The following TRPM3 variants were observed in gnomAD, a reference collection of about 807,000 sequenced individuals.
The protein encoded by TRPM3 is long transient receptor potential channel 3.
TRPM3 carries 77 observed loss-of-function variants against 181.2 expected under a neutral mutation model. The ratio of observed to expected loss-of-function variants is 0.42; its 90% confidence interval spans 0.35 to 0.51. TRPM3 has a LOEUF of 0.51. Among genes scored for constraint, TRPM3 ranks in the 20% least tolerant of loss-of-function variants. The pLI is 0.01. For missense variants in TRPM3, 1,759 were observed against 2,196.7 expected (o/e 0.80, Z 3.98); for synonymous variants, 745 against 796.4 (o/e 0.94, Z 1.09).
At chr9:70,751,526 G>A (rs2076130935) in intron 8 of TRPM3, among the ~76,000 whole-genome samples, 1 of 151,920 alleles carries the variant, frequency 6.6e-6, no homozygotes, top group Non-Finnish European at 1.5e-5. Context: ...AGAACAAAAG[G>A]ACTGAGAAAA....
At chr9:71,150,570 C>A (rs2075679889) in intron 1 of TRPM3, among the ~76,000 whole-genome samples, 1 of 151,978 alleles carries the variant, frequency 6.6e-6, no homozygotes, top group Non-Finnish European at 1.5e-5. Flanking sequence ...CGAAACAGAT[C>A]AAAAGCATAG....
chr9:70,637,016 T>C (rs2057324329), intron 11 of TRPM3, among the ~76,000 whole-genome samples: 1 of 152,108 alleles, frequency 6.6e-6, no homozygotes, highest in Non-Finnish European at 1.5e-5. Flanking sequence ...CATTCAAGTA[T>C]TGAGACAGGT....
chr9:71,246,787 A>C (rs979508983), intron 1 of TRPM3, among the ~76,000 whole-genome samples: 1 of 152,216 alleles, frequency 6.6e-6, no homozygotes, highest in Non-Finnish European at 1.5e-5. Flanking sequence ...GTTATACGAC[A>C]CTTTAATTAG....
intron 12 of TRPM3, among the ~76,000 whole-genome samples, chr9:70,626,245 C>A (rs1281467112): frequency 6.6e-6 from 1 of 152,118 alleles, no homozygotes; most frequent in African/African-American, 2.4e-5. Context: ...GAGTTAGTTC[C>A]ATTTGTGAGA....
At position 71,381,605 on chromosome 9, in the gene TRPM3, C is replaced by T. The variant is rs984954905; in HGVS notation, c.183+65048G>A. 3.9e-5 allele frequency among the ~76,000 whole-genome samples: 6 copies of T among 152,196 alleles called. No homozygotes were observed. In the South Asian group the frequency reaches 8.3e-4, roughly 21 times the overall value. ...TTGAAGGCATGAATGTTTACATGAA[C>T]GTAAACCTATGTAGCAGCACACCAC... On this transcript the variant is annotated intron_variant, in intron 1 of 24. Transcript: ENST00000357533.
intron 1 of TRPM3, among the ~76,000 whole-genome samples, chr9:71,114,447 A>AT (rs1291762570): frequency 6.6e-6 from 1 of 152,220 alleles, no homozygotes; most frequent in East Asian, 1.9e-4. Flanking sequence ...TGTTCATTCT[A>AT]TTTTTTTCAT....
chr9:70,928,496 G>A lies in TRPM3; in HGVS notation c.178-63985C>T, dbSNP rs140508855. ...AATGTTGAGCACAGCCAATTATGGT[G>A]TCTTTCTTGACAATTTAATCTAAAC... On this transcript the variant is annotated intron_variant, in intron 1 of 25. Transcript: ENST00000677713. Among the ~76,000 whole-genome samples the A allele has an allele frequency of 1.2e-3, 181 of 152,270 alleles. 5 individuals are homozygous for A. The East Asian group carries it at 0.033, about 28-fold the overall frequency.
At chr9:71,158,103 A>G (rs1272504572) in intron 1 of TRPM3, among the ~76,000 whole-genome samples, 3 of 152,182 alleles carry the variant, frequency 2.0e-5, no homozygotes, top group African/African-American at 7.2e-5. Flanking sequence ...CATAGCTTAG[A>G]CTATTAATCT....
At chr9:70,754,615 A>G (rs2076739728) in intron 8 of TRPM3, among the ~76,000 whole-genome samples, 1 of 152,198 alleles carries the variant, frequency 6.6e-6, no homozygotes, top group Non-Finnish European at 1.5e-5. Context: ...AGGCCCATCC[A>G]TAGTGCAGGC....
intron 5 of TRPM3, among the ~76,000 whole-genome samples, chr9:70,829,473 A>C (rs1202404864): frequency 1.3e-5 from 2 of 152,184 alleles, no homozygotes; most frequent in Non-Finnish European, 2.9e-5. Context: ...TTGAGGATTG[A>C]TCTCATTTAA....
In TRPM3 at chr9:71,363,804, T is replaced by G. The variant is rs1483196444; in HGVS notation, c.183+82849A>C. 2.6e-5 allele frequency among the ~76,000 whole-genome samples: 4 copies of G among 152,134 alleles called. No homozygotes were observed. In the East Asian group the frequency reaches 7.7e-4, roughly 29 times the overall value. On this transcript the variant is annotated intron_variant, in intron 1 of 24. Coordinates refer to the TRPM3 transcript ENST00000357533. ...CATCACACTAGATTTAAGTGCTTGC[T>G]GAAGCCTGTCACCTTCCTGGTCTAC...
chr9:70,879,393 C>G (rs1364687403), intron 1 of TRPM3, among the ~76,000 whole-genome samples: 1 of 152,034 alleles, frequency 6.6e-6, no homozygotes, highest in Non-Finnish European at 1.5e-5. Context: ...AATTAATTAC[C>G]TGTTCTCATA....
At chr9:70,607,724 A>G (rs893726150) in intron 19 of TRPM3, among the ~76,000 whole-genome samples, 1 of 152,212 alleles carries the variant, frequency 6.6e-6, no homozygotes, top group Middle Eastern at 3.2e-3. Context: ...ATTTCTAACA[A>G]AACTCCCTTG....
Position 70,759,851 on chromosome 9 carries a change from G to A in TRPM3, c.1272+1750C>T, listed in dbSNP as rs551468716. On this transcript the variant is annotated intron_variant, in intron 8 of 25. Transcript: ENST00000677713. ...CCTCTCAGGGGGTGGGGGGCTAGGG[G>A]AGGGATAGCATTAGGAGAAATATCT... Among the ~76,000 whole-genome samples, 11 of 152,214 alleles carry A rather than the reference G, an allele frequency of 7.2e-5. No homozygotes were observed. The South Asian group carries it at 1.9e-3, about 26-fold the overall frequency.
intron 1 of TRPM3, among the ~76,000 whole-genome samples, chr9:71,031,987 T>TATAATATATATATA (rs1449230338): frequency 8.3e-3 from 2 of 240 alleles, no homozygotes; most frequent in Non-Finnish European, 0.011. Context: ...TATATATATA[T>TATAATATATATATA]TATATATATA....
intron 1 of TRPM3, among the ~76,000 whole-genome samples, chr9:71,079,249 AAG>A (rs1361155843): frequency 6.6e-6 from 1 of 152,206 alleles, no homozygotes; most frequent in Non-Finnish European, 1.5e-5. Context: ...GAGAAAACAA[AAG>A]TGCTCTCTAT....
At chr9:70,765,410 T>C (rs1757671063) in intron 7 of TRPM3, among the ~76,000 whole-genome samples, 1 of 151,748 alleles carries the variant, frequency 6.6e-6, no homozygotes, top group Non-Finnish European at 1.5e-5. Context: ...GGCCAACATA[T>C]TGAAACCCCA....
chr9:71,325,829 AT>A (rs930724148), intron 1 of TRPM3, among the ~76,000 whole-genome samples: 2 of 151,802 alleles, frequency 1.3e-5, no homozygotes, highest in Admixed American at 6.6e-5. Flanking sequence ...TAATTTTATG[AT>A]TTTTTTTCTA....
chr9:71,215,507 T>C (rs1327004051), intron 1 of TRPM3, among the ~76,000 whole-genome samples: 3 of 152,194 alleles, frequency 2.0e-5, no homozygotes, highest in Non-Finnish European at 4.4e-5. Context: ...TTCCCTTATG[T>C]TGTGGCTTAA....
Sources: gnomAD v4.1 joint callset for allele counts (sites outside exome capture counted in the v4.1 genomes callset) on GRCh38, gnomAD v4.1.1 for gene constraint, MANE v1.5 for transcripts, NCBI Gene and HGNC (gene_info 2026-07-23, HGNC 2026-07-21) for gene names.